Variants in ATP5F1C observed in about 807,000 individuals in gnomAD.
ATP5F1C encodes ATP synthase F1 subunit gamma.
Under a neutral mutation model 37.4 loss-of-function variants are expected in ATP5F1C, and 22 were observed. The observed-to-expected ratio is 0.59, with a 90% CI of 0.42 to 0.84. ATP5F1C has a LOEUF of 0.84. ATP5F1C is among the 40% of genes least tolerant of loss of function. The pLI is 0.00. For synonymous variants in ATP5F1C, 121 were observed against 128.0 expected (o/e 0.95, Z 0.37); for missense variants, 286 against 362.4 (o/e 0.79, Z 1.71).
chr10:7,805,620 G>A lies in ATP5F1C; in HGVS notation c.891-1354G>A, dbSNP rs189054476. On this transcript the variant is annotated intron_variant, in intron 8 of 9. Transcript: ENST00000356708. ...AAATTAGCTGGGCGTGGTGGTGGGC[G>A]CCTGTAGTCCCAGCTACTATGGAGG... is the stretch of plus-strand genomic sequence containing the variant. Among the ~76,000 whole-genome samples, 151 of 151,904 alleles carry A rather than the reference G, an allele frequency of 9.9e-4. 1 individual carries two copies. Among genetic ancestry groups the A allele is most frequent in the African/African-American group, 3.4e-3 (141 of 41,416 alleles).
At chr10:7,798,176 C>T (rs1836277670) in intron 3 of ATP5F1C, among the ~76,000 whole-genome samples, 1 of 151,922 alleles carries the variant, frequency 6.6e-6, no homozygotes, top group Admixed American at 6.6e-5. Context: ...TCTCAACTGA[C>T]AGCTGTCCTT....
In ATP5F1C at chr10:7,793,091, G is replaced by GT. The variant is rs1370008347; in HGVS notation, c.57-3029dup. On this transcript the variant is annotated intron_variant, in intron 1 of 9. Coordinates refer to ENST00000356708, the MANE Select transcript of ATP5F1C (RefSeq NM_001001973.3). ...GACATGATACTGAGCATCATCTTAT[G>GT]TGCTTTTTGCCATCTGGTTGGTTTT... is the stretch of plus-strand genomic sequence containing the variant. Among the ~76,000 whole-genome samples the GT allele has an allele frequency of 4.6e-5, 7 of 152,212 alleles. No individual in the cohort carries two copies. The East Asian group carries it at 1.2e-3, about 25-fold the overall frequency.
intron 4 of ATP5F1C, chr10:7,799,538 G>A (rs41290299): frequency 0.027 from 15,815 of 578,066 alleles, 398 homozygotes; most frequent in South Asian, 0.075. Context: ...GGATTAGAAG[G>A]AGAGGAATAA....
In ATP5F1C at chr10:7,807,755, A is replaced by G. The variant is rs2131083049; in HGVS notation, c.*127A>G. Reference sequence around the variant, plus strand: ...CTCCATTATTTGAATTACTGAAGACAGCAAGATATTTGTAAATTATCTTAA... The same window carrying G: ...CTCCATTATTTGAATTACTGAAGACGGCAAGATATTTGTAAATTATCTTAA... On this transcript the variant is annotated 3_prime_UTR_variant, in exon 10 of 10. Transcript: ENST00000356708. The G allele has an allele frequency of 7.4e-7, 1 of 1,345,912 alleles. No homozygotes were observed. The allele number at this position is 1,345,912 out of a possible 1,614,324, so 83.4% of individuals were successfully genotyped here. A position where few individuals can be genotyped will look rare whatever the true frequency, so the allele number is the denominator to read the frequency against.
intron 1 of ATP5F1C, among the ~76,000 whole-genome samples, chr10:7,791,380 A>C (rs980605665): frequency 5.9e-5 from 9 of 152,194 alleles, no homozygotes; most frequent in Non-Finnish European, 1.3e-4. Flanking sequence ...GGTGGCAGGT[A>C]ATGGACTTTT....
chr10:7,798,848 T>G, intron 3 of ATP5F1C, 142 bp from the exon 4 acceptor site: 1 of 765,584 alleles, frequency 1.3e-6, no homozygotes, highest in Non-Finnish European at 2.1e-6. Context: ...ACAGCTGTCC[T>G]AAGAACACCT....
At chr10:7,792,449 A>G (rs956874703) in intron 1 of ATP5F1C, among the ~76,000 whole-genome samples, 12 of 152,242 alleles carry the variant, frequency 7.9e-5, no homozygotes, top group Non-Finnish European at 1.8e-4. Context: ...GGACAAATGC[A>G]TAATGACATG....
intron 2 of ATP5F1C, chr10:7,796,744 T>C (rs571613747): frequency 2.9e-4 from 52 of 177,544 alleles, no homozygotes; most frequent in Admixed American, 1.2e-3. Flanking sequence ...GCCACCACGC[T>C]CGGCTAATTT....
At chr10:7,799,255 A>C in intron 4 of ATP5F1C, 61 bp downstream of exon 4, 1 of 1,509,202 alleles carries the variant, frequency 6.6e-7, no homozygotes, top group Non-Finnish European at 9.1e-7. Flanking sequence ...ATCTTCTCTC[A>C]AAAGTTTTGA....
At chr10:7,802,644 C>A in intron 7 of ATP5F1C, 114 bp from the exon 8 acceptor site, 1 of 1,197,618 alleles carries the variant, frequency 8.3e-7, no homozygotes. Context: ...ATTTGAGAGG[C>A]CAATTTTGGT....
intron 1 of ATP5F1C, among the ~76,000 whole-genome samples, chr10:7,793,474 G>T (rs1836193532): frequency 1.3e-5 from 2 of 152,118 alleles, no homozygotes; most frequent in South Asian, 4.1e-4. Context: ...TTTTATTTGG[G>T]TTGTTTGTTC....
rs566012057 is a variant in ATP5F1C at position 7,799,095 on chromosome 10, T to C, written c.329T>C (p.Ile110Thr). ...RGLCGAIHSS[I>T]AKQMKSEVAT... ...CTGTGTGGTGCTATTCATTCCTCCATTGCTAAACAGATGAAAAGCGAGGTT... is the reference window on the plus strand; with the variant it reads ...CTGTGTGGTGCTATTCATTCCTCCACTGCTAAACAGATGAAAAGCGAGGTT... Residue 110 changes from isoleucine (I) to threonine (T), a missense_variant, in exon 4 of 10, where the codon ATT (isoleucine) becomes ACT (threonine). By Grantham distance (89) the Ile-to-Thr change is moderately conservative (BLOSUM62 -1). Transcript: ENST00000356708. 6.2e-7 allele frequency: 1 copy of C among 1,613,798 alleles called. No homozygotes were observed. Among genetic ancestry groups the C allele is most frequent in the Admixed American group, 1.7e-5 (1 of 60,004 alleles).
rs374083901 is a variant in ATP5F1C, at chr10:7,797,223, A to G, written c.223+45A>G. 45 of 1,602,052 alleles carry G rather than the reference A, an allele frequency of 2.8e-5. No individual in the cohort carries two copies. The African/African-American group carries it at 5.8e-4, about 21-fold the overall frequency. Reference sequence around the variant, plus strand: ...CACAAATTAGGAAGAACTGTTTCACACAAGGAAGACTACTGATGACTTACA... The same window carrying G: ...CACAAATTAGGAAGAACTGTTTCACGCAAGGAAGACTACTGATGACTTACA... On this transcript the variant is annotated intron_variant, in intron 3 of 9. Transcript: ENST00000356708.
intron 3 of ATP5F1C, 93 bp from the exon 4 acceptor site, chr10:7,798,897 A>C: frequency 8.0e-7 from 1 of 1,246,652 alleles, no homozygotes; most frequent in Admixed American, 2.2e-5. Context: ...TTAAATGCGT[A>C]TTTTGGAAAT....
chr10:7,806,976 A>C lies in ATP5F1C; in HGVS notation c.893A>C (p.Asp298Ala). Residue 298 changes from aspartate to alanine, a missense_variant and splice_region_variant, in exon 9 of 10, where the codon GAT becomes GCT. Physicochemically the swap from Asp to Ala is moderately radical, Grantham distance 126 (BLOSUM62 -2). Coordinates refer to ENST00000356708, the MANE Select transcript of ATP5F1C (RefSeq NM_001001973.3). ...TTTTCTTCTAATATAATAACCAGGGATTAATGAAAATCAAGTTCCATCCTC... is the reference window on the plus strand; with the variant it reads ...TTTTCTTCTAATATAATAACCAGGGCTTAATGAAAATCAAGTTCCATCCTC... ...IEIISGAAAL[D>A] 1 of 1,611,572 alleles carries C rather than the reference A, an allele frequency of 6.2e-7. No homozygotes were observed. Among genetic ancestry groups the C allele is most frequent in the Non-Finnish European group, 8.5e-7 (1 of 1,177,912 alleles).
At chr10:7,805,115 A>G (rs1363481701) in intron 8 of ATP5F1C, among the ~76,000 whole-genome samples, 3 of 152,220 alleles carry the variant, frequency 2.0e-5, no homozygotes, top group Non-Finnish European at 4.4e-5. Context: ...ATCACAGAAT[A>G]CTGTCTCATG....
chr10:7,788,513 G>A (rs183647288), intron 1 of ATP5F1C, among the ~76,000 whole-genome samples: 7 of 152,342 alleles, frequency 4.6e-5, no homozygotes, highest in African/African-American at 1.7e-4. Context: ...GGCCACCTGG[G>A]ACCTCGGGAC....
intron 1 of ATP5F1C, among the ~76,000 whole-genome samples, chr10:7,789,869 G>C (rs1403184353): frequency 6.6e-6 from 1 of 152,168 alleles, no homozygotes; most frequent in Non-Finnish European, 1.5e-5. Flanking sequence ...TTTAGTGAAG[G>C]ATTGTTTTAA....
intron 1 of ATP5F1C, among the ~76,000 whole-genome samples, chr10:7,789,836 C>T (rs1385606028): frequency 6.6e-6 from 1 of 152,054 alleles, no homozygotes; most frequent in Non-Finnish European, 1.5e-5. Context: ...TTTTAAAGCA[C>T]CTGTAAGATA....
Sources: gnomAD v4.1 joint callset for allele counts (sites outside exome capture counted in the v4.1 genomes callset) on GRCh38, gnomAD v4.1.1 for gene constraint, MANE v1.5 for transcripts, NCBI Gene and HGNC (gene_info 2026-07-23, HGNC 2026-07-21) for gene names.